Variants in CHST1 observed in about 807,000 individuals in gnomAD.
CHST1 encodes carbohydrate sulfotransferase 1, also known as Keratan sulfotransferase.
A neutral mutation model predicts 22.5 loss-of-function variants in CHST1; 10 were observed. That is an observed-to-expected ratio of 0.44 (90% CI 0.27 to 0.75). The LOEUF (loss-of-function observed/expected upper bound fraction) is 0.75, where lower values mean the gene tolerates loss of function less well. Ranked by LOEUF, CHST1 falls within the 30% of genes least tolerant of loss-of-function variation. The pLI is 0.15. For missense variants in CHST1, 439 were observed against 576.1 expected (o/e 0.76, Z 2.44); for synonymous variants, 267 against 264.5 (o/e 1.01, Z -0.09).
rs768248608 is a variant in CHST1 at position 45,650,170 on chromosome 11, G to T, written c.754C>A (p.Arg252=). ...GTGCCGTACCAGAGCCGCCAGAGCC[G>T]GTACGTGTCGCGGAAGGTCTCGCTG... ...SRSETFRDTY[R]LWRLWYGTGR... Residue 252 remains arginine (R), a synonymous_variant, in exon 4 of 4, where the codon CGG becomes AGG. Transcript: ENST00000308064. 1.2e-6 allele frequency: 2 copies of T among 1,613,274 alleles called. No homozygotes were observed. The highest frequency in any genetic ancestry group is 1.1e-5 in the South Asian group (1 of 91,078).
chr11:45,658,688 C>G (rs1852092082), intron 1 of CHST1, among the ~76,000 whole-genome samples: 1 of 152,156 alleles, frequency 6.6e-6, no homozygotes, highest in Admixed American at 6.5e-5. Context: ...AGGGATGAGT[C>G]AGAAGGTCCC....
Position 45,650,367 on chromosome 11 carries a change from C to T in CHST1, c.557G>A (p.Gly186Glu). The T allele has an allele frequency of 3.1e-6, 5 of 1,603,534 alleles. No homozygotes were observed. The highest frequency in any genetic ancestry group is 4.2e-6 in the Non-Finnish European group (5 of 1,179,744). Reference sequence around the variant, plus strand: ...GGCCGCCACGGTCAGGTTGAGTAGCCCGCACTTGCGCACACAGTCCCCCTC... The same window carrying T: ...GGCCGCCACGGTCAGGTTGAGTAGCTCGCACTTGCGCACACAGTCCCCCTC... ...LEEGDCVRKC[G>E]LLNLTVAAEA... is the part of the protein sequence containing the mutation. Residue 186 changes from glycine (G) to glutamate (E), a missense_variant, in exon 4 of 4, where the codon GGG becomes GAG. By Grantham distance (98) the Gly-to-Glu change is moderately conservative (BLOSUM62 -2). Coordinates refer to ENST00000308064, the MANE Select transcript of CHST1 (RefSeq NM_003654.6).
At chr11:45,661,892 AC>A (rs1852137443) in intron 1 of CHST1, among the ~76,000 whole-genome samples, 1 of 152,014 alleles carries the variant, frequency 6.6e-6, no homozygotes, top group South Asian at 2.1e-4. Context: ...CCCTAGCTGC[AC>A]TCCTCAATGC....
intron 1 of CHST1, among the ~76,000 whole-genome samples, chr11:45,659,917 C>A (rs1261467172): frequency 6.6e-6 from 1 of 152,224 alleles, no homozygotes; most frequent in African/African-American, 2.4e-5. Context: ...CACCAGCCCA[C>A]AGCTGGTCCC....
intron 3 of CHST1, chr11:45,651,230 G>T: frequency 3.8e-6 from 1 of 261,722 alleles, no homozygotes; most frequent in Non-Finnish European, 7.2e-6. Flanking sequence ...CCTGAGCTCT[G>T]AGTTCCTTAG....
At position 45,649,539 on chromosome 11, in the gene CHST1, A is replaced by C; in HGVS notation, c.*149T>G. 2 of 829,872 alleles carry C rather than the reference A, an allele frequency of 2.4e-6. No individual in the cohort carries two copies. Among genetic ancestry groups the C allele is most frequent in the Non-Finnish European group, 3.7e-6 (2 of 536,266 alleles). 51.4% of individuals were successfully genotyped at this position (829,872 alleles called of 1,614,324 possible). On this transcript the variant is annotated 3_prime_UTR_variant, in exon 4 of 4. Coordinates refer to ENST00000308064, the MANE Select transcript of CHST1 (RefSeq NM_003654.6). ...GTAGTGCAAATTTCAGAGACAAAAA[A>C]GGGGCAGAAGGGAGTGGGGTGAGCT...
intron 1 of CHST1, among the ~76,000 whole-genome samples, chr11:45,656,909 G>C (rs1852069788): frequency 6.6e-6 from 1 of 152,152 alleles, no homozygotes; most frequent in African/African-American, 2.4e-5. Context: ...GAGGGGGCCT[G>C]TGGCTATGGG....
In CHST1 at chr11:45,665,188, A is replaced by T. The variant is rs1852183777; in HGVS notation, c.-237T>A. On this transcript the variant is annotated 5_prime_UTR_variant, in exon 1 of 4. Transcript: ENST00000308064. This position sits in a 1 kb window ranked among gnomAD's most constrained non-coding sequence, Gnocchi z 4.0. Reference sequence around the variant, plus strand: ...GGGCCCGGCCAATACCTGGTCGGGGACGCGCCGGGAGCAGCTGCAGCGCCC... The same window carrying T: ...GGGCCCGGCCAATACCTGGTCGGGGTCGCGCCGGGAGCAGCTGCAGCGCCC... 6.6e-6 allele frequency: 1 copy of T among 150,910 alleles called. No individual in the cohort carries two copies. 9.3% of individuals were successfully genotyped at this position (150,910 alleles called of 1,614,324 possible).
At position 45,649,971 on chromosome 11, in the gene CHST1, C is replaced by T; in HGVS notation, c.953G>A (p.Gly318Glu). ...NPMKKTEEIYGFLGIPLDSHV... is the reference protein window; with the variant it reads ...NPMKKTEEIYEFLGIPLDSHV... ...GCTGTCCAGCGGGATGCCCAGGAAC[C>T]CGTAGATCTCCTCGGTCTTCTTCAT... Residue 318 changes from glycine to glutamate, a missense_variant, in exon 4 of 4, where the codon GGG becomes GAG. By Grantham distance (98) the Gly-to-Glu change is moderately conservative. Coordinates refer to ENST00000308064, the MANE Select transcript of CHST1 (RefSeq NM_003654.6). The T allele has an allele frequency of 6.2e-7, 1 of 1,613,682 alleles. No homozygotes were observed. Among genetic ancestry groups the T allele is most frequent in the Non-Finnish European group, 8.5e-7 (1 of 1,179,972 alleles).
intron 1 of CHST1, among the ~76,000 whole-genome samples, chr11:45,658,216 T>C (rs929590581): frequency 6.6e-6 from 1 of 152,112 alleles, no homozygotes; most frequent in Non-Finnish European, 1.5e-5. Context: ...GCTCTTAACC[T>C]CTATAGGCCT....
At chr11:45,660,387 C>T (rs975436424) in intron 1 of CHST1, among the ~76,000 whole-genome samples, 1 of 152,192 alleles carries the variant, frequency 6.6e-6, no homozygotes, top group Admixed American at 6.5e-5. Context: ...CTCTGACCTC[C>T]TAAAATGTCC....
At chr11:45,662,166 G>A (rs1466166163) in intron 1 of CHST1, among the ~76,000 whole-genome samples, 1 of 152,174 alleles carries the variant, frequency 6.6e-6, no homozygotes, top group African/African-American at 2.4e-5. Context: ...GCCTCTCTAG[G>A]ATCAGGGACA....
Position 45,650,974 on chromosome 11 carries a change from A to T in CHST1, c.-42-9T>A, listed in dbSNP as rs1259336004. 1 of 1,505,348 alleles carries T rather than the reference A, an allele frequency of 6.6e-7. No homozygotes were observed. The highest frequency in any genetic ancestry group is 1.4e-5 in the African/African-American group (1 of 71,520). The allele number at this position is 1,505,348 out of a possible 1,614,324, so 93.2% of individuals were successfully genotyped here. On this transcript the variant is annotated splice_polypyrimidine_tract_variant and intron_variant, in intron 3 of 3. Transcript: ENST00000308064. ...TCTCCAAGGGGTGAGGTCTGTGGGC[A>T]AAGGCGGCCAGCGGTCAGGTGCCTC...
chr11:45,650,279 G>C lies in CHST1; in HGVS notation c.645C>G (p.Asp215Glu). Residue 215 changes from aspartate to glutamate, a missense_variant, in exon 4 of 4, where the codon GAC becomes GAG. Physicochemically the swap from Asp to Glu is conservative, Grantham distance 45 (BLOSUM62 2). Coordinates refer to ENST00000308064, the MANE Select transcript of CHST1 (RefSeq NM_003654.6). Reference protein sequence around the residue: ...IKTVRVPEVNDLRALVEDPRL... With the variant: ...IKTVRVPEVNELRALVEDPRL... ...GCGGGTCTTCCACCAGGGCGCGCAG[G>C]TCGTTCACCTCGGGCACGCGCACCG... The C allele has an allele frequency of 1.0e-5, 16 of 1,606,390 alleles. No homozygotes were observed. The highest frequency in any genetic ancestry group is 1.4e-5 in the Non-Finnish European group (16 of 1,179,448).
chr11:45,653,949 C>T (rs1852029553), intron 1 of CHST1, among the ~76,000 whole-genome samples: 1 of 152,198 alleles, frequency 6.6e-6, no homozygotes, highest in African/African-American at 2.4e-5. Flanking sequence ...CTTCCCCAAG[C>T]TCACACCCAT....
At position 45,665,589 on chromosome 11, in the gene CHST1, AGCAGCGGCG is replaced by A. The variant is rs1373806604; in HGVS notation, c.-647_-639del. The A allele has an allele frequency of 6.6e-6, 1 of 151,444 alleles. No homozygotes were observed. The highest frequency in any genetic ancestry group is 1.5e-5 in the Non-Finnish European group (1 of 67,888). 9.4% of individuals were successfully genotyped at this position (151,444 alleles called of 1,614,324 possible). A position where few individuals can be genotyped will look rare whatever the true frequency, so the allele number is the denominator to read the frequency against. On this transcript the variant is annotated 5_prime_UTR_variant, in exon 1 of 4. Transcript: ENST00000308064. The surrounding 1 kb of genome is among the most constrained non-coding windows in gnomAD (Gnocchi z 4.0). Reference sequence around the variant, plus strand: ...CGCCCGCCCGCGTCCCCGAGCCAAGAGCAGCGGCGGCAGCGGCGGCTACAGCTCCGAGCG... The same window carrying A: ...CGCCCGCCCGCGTCCCCGAGCCAAGAGCAGCGGCGGCTACAGCTCCGAGCG...
At position 45,650,586 on chromosome 11, in the gene CHST1, C is replaced by T. The variant is rs1299013248; in HGVS notation, c.338G>A (p.Arg113Gln). The change falls in exon 4 of 4, where the codon CGG (arginine) becomes CAG (glutamine). Residue 113 changes from arginine (R) to glutamine (Q), a missense_variant. Transcript: ENST00000308064. The part of the protein sequence containing the change: ...RFTQGKSPAD[R>Q]RVMLGASRDL... ...GCGGCTGGCGCCTAGCATGACCCGCCGGTCGGCCGGGCTCTTGCCCTGGGT... is the reference window on the plus strand; with the variant it reads ...GCGGCTGGCGCCTAGCATGACCCGCTGGTCGGCCGGGCTCTTGCCCTGGGT... 1 of 1,613,968 alleles carries T rather than the reference C, an allele frequency of 6.2e-7. No homozygotes were observed.
rs1219949251 is a variant in CHST1 at position 45,650,436 on chromosome 11, C to G, written c.488G>C (p.Arg163Pro). The G allele has an allele frequency of 1.2e-6, 2 of 1,610,384 alleles. No homozygotes were observed. The highest frequency in any genetic ancestry group is 2.7e-5 in the African/African-American group (2 of 75,040). The change falls in exon 4 of 4, where the codon CGG becomes CCG. Residue 163 changes from arginine to proline, a missense_variant. Coordinates refer to ENST00000308064, the MANE Select transcript of CHST1 (RefSeq NM_003654.6). Reference protein sequence around the residue: ...RRGASRVLCSRPVCDPPGPAD... With the variant: ...RRGASRVLCSPPVCDPPGPAD... ...TGGCCCCGGAGGGTCGCACACAGGC[C>G]GGGAGCAGAGGACCCGGCTGGCCCC... is the stretch of plus-strand genomic sequence containing the variant.
chr11:45,658,342 A>G (rs1336944402), intron 1 of CHST1, among the ~76,000 whole-genome samples: 1 of 152,264 alleles, frequency 6.6e-6, no homozygotes, highest in Non-Finnish European at 1.5e-5. Flanking sequence ...GGCACAGAGC[A>G]AATGCTTATT....
Sources: gnomAD v4.1 joint callset for allele counts (sites outside exome capture counted in the v4.1 genomes callset) on GRCh38, gnomAD v4.1.1 for gene constraint, Gnocchi (gnomAD v3.1) non-coding constraint, MANE v1.5 for transcripts, NCBI Gene and HGNC (gene_info 2026-07-23, HGNC 2026-07-21) for gene names.